The following PDE10A variants were observed in gnomAD, a reference collection of about 807,000 sequenced individuals.
PDE10A encodes the protein cAMP and cAMP-inhibited cGMP 3',5'-cyclic phosphodiesterase 10A.
A neutral mutation model predicts 97.7 loss-of-function variants in PDE10A; 39 were observed. That is an observed-to-expected ratio of 0.40 (90% confidence interval 0.31 to 0.52). The LOEUF is 0.52. PDE10A is among the 20% of genes least tolerant of loss of function. The probability of loss-of-function intolerance (pLI) is 0.56; values close to 1 mark genes in which losing one functional copy is unlikely to be tolerated. For synonymous variants in PDE10A, 371 were observed against 376.8 expected, an observed-to-expected ratio of 0.98 and a Z score of 0.18; for missense variants, 731 against 1,047.8, an observed-to-expected ratio of 0.70 and a Z score of 4.17.
chr6:165,855,038 A>AATGAATGC, intron 1 of PDE10A, among the ~76,000 whole-genome samples: 1 of 138,558 alleles, frequency 7.2e-6, no homozygotes, highest in African/African-American at 2.6e-5. Flanking sequence ...TGAATGCATG[A>AATGAATGC]ATGAATGAAG....
intron 1 of PDE10A, among the ~76,000 whole-genome samples, chr6:165,704,156 G>A (rs371546011): frequency 3.3e-5 from 5 of 152,118 alleles, no homozygotes; most frequent in African/African-American, 4.8e-5. Context: ...CTCAGGCTCC[G>A]GGCCAGCAAA....
chr6:165,901,453 C>T (rs537027991), intron 1 of PDE10A, among the ~76,000 whole-genome samples: 2 of 152,192 alleles, frequency 1.3e-5, no homozygotes, highest in Non-Finnish European at 2.9e-5. Context: ...CCGGGTCTCA[C>T]GTGGGCTGCC....
At chr6:165,607,756 T>A (rs12195883) in intron 1 of PDE10A, among the ~76,000 whole-genome samples, 14,930 of 152,198 alleles carry the variant, frequency 0.098, 924 homozygotes, top group Non-Finnish European at 0.13. Context: ...ATTCAGTTTA[T>A]AAGGATGAAA....
chr6:165,595,895 C>T (rs1434987455), intron 1 of PDE10A, among the ~76,000 whole-genome samples: 1 of 152,194 alleles, frequency 6.6e-6, no homozygotes, highest in Non-Finnish European at 1.5e-5. Context: ...AAAGGCCCCA[C>T]ATTCTAATAC....
At chr6:165,708,432 T>G (rs551602815) in intron 1 of PDE10A, among the ~76,000 whole-genome samples, 3 of 152,120 alleles carry the variant, frequency 2.0e-5, no homozygotes. Context: ...CTTCATCTCC[T>G]GTCAGTGCCC....
chr6:165,741,412 T>C (rs908094142), intron 1 of PDE10A, among the ~76,000 whole-genome samples: 2 of 152,178 alleles, frequency 1.3e-5, no homozygotes, highest in Non-Finnish European at 2.9e-5. Flanking sequence ...TATGGTAGCA[T>C]TCCATATTTA....
At chr6:165,453,344 G>C (rs1429873685) in intron 3 of PDE10A, among the ~76,000 whole-genome samples, 1 of 152,198 alleles carries the variant, frequency 6.6e-6, no homozygotes, top group East Asian at 1.9e-4. Context: ...CAAACCAAGG[G>C]TTTATGGGCA....
chr6:165,569,288 C>T (rs1161015260), intron 1 of PDE10A, among the ~76,000 whole-genome samples: 5 of 152,080 alleles, frequency 3.3e-5, no homozygotes, highest in Non-Finnish European at 7.4e-5. Flanking sequence ...TCTAAATTGT[C>T]CCTAATTGAG....
At chr6:165,716,564 A>C (rs1372591912) in intron 1 of PDE10A, among the ~76,000 whole-genome samples, 2 of 152,222 alleles carry the variant, frequency 1.3e-5, no homozygotes, top group Admixed American at 1.3e-4. Context: ...ATACTGGAGA[A>C]ACGAGCCTGT....
At chr6:165,392,566 C>G (rs147238179) in intron 16 of PDE10A, 80 bp downstream of exon 16, 99 of 1,350,746 alleles carry the variant, frequency 7.3e-5, no homozygotes, top group Non-Finnish European at 9.9e-5. Context: ...GTCACAAATC[C>G]ATGTCATCAA....
chr6:165,538,402 C>T (rs1303324801), intron 2 of PDE10A, among the ~76,000 whole-genome samples: 1 of 152,050 alleles, frequency 6.6e-6, no homozygotes, highest in Non-Finnish European at 1.5e-5. Flanking sequence ...AAAATTACTG[C>T]CCACAAAAGG....
chr6:165,450,208 A>AAT (rs397732933), intron 4 of PDE10A, 34 bp downstream of exon 4: 2 of 1,346,618 alleles, frequency 1.5e-6, no homozygotes, highest in Non-Finnish European at 1.9e-6. Context: ...ATCTTTGCCC[A>AAT]TTTTTTCTAA....
chr6:165,772,670 C>G (rs560010436), intron 1 of PDE10A, among the ~76,000 whole-genome samples: 1 of 152,236 alleles, frequency 6.6e-6, no homozygotes, highest in East Asian at 1.9e-4. Flanking sequence ...TTAATTAGTA[C>G]TTTATTTTCC....
intron 1 of PDE10A, among the ~76,000 whole-genome samples, chr6:165,787,756 A>C (rs183308211): frequency 6.6e-6 from 1 of 152,176 alleles, no homozygotes; most frequent in African/African-American, 2.4e-5. Flanking sequence ...ATTTGGAGAG[A>C]AGGTTTATTA....
chr6:165,498,231 T>C (rs1780652581), intron 2 of PDE10A, among the ~76,000 whole-genome samples: 1 of 151,294 alleles, frequency 6.6e-6, no homozygotes, highest in Admixed American at 6.6e-5. Flanking sequence ...GGCAACATAA[T>C]GAGACCCCAT....
chr6:165,545,601 T>A (rs1183159442), intron 1 of PDE10A, among the ~76,000 whole-genome samples: 3 of 151,856 alleles, frequency 2.0e-5, no homozygotes, highest in South Asian at 4.1e-4. Context: ...TCAACCCAAC[T>A]GAAAAATGGG....
chr6:165,356,987 T>C (rs1323899061), intron 18 of PDE10A, among the ~76,000 whole-genome samples: 1 of 152,188 alleles, frequency 6.6e-6, no homozygotes, highest in African/African-American at 2.4e-5. Context: ...TATTACTTAA[T>C]ATATGAACTA....
rs1282844358 is a variant in PDE10A, at chr6:165,819,882, G to T, written c.-615+167647C>A. Among the ~76,000 whole-genome samples, 2 of 152,106 alleles carry T rather than the reference G, an allele frequency of 1.3e-5. No individual in the cohort carries two copies. Among genetic ancestry groups the T allele is most frequent in the African/African-American group, 2.4e-5 (1 of 41,390 alleles). On this transcript the variant is annotated intron_variant, in intron 1 of 19. Transcript: ENST00000366882. The surrounding 1 kb of genome is among the most constrained non-coding windows in gnomAD (Gnocchi z 4.2). ...TTACTACATTGTTGAATGTTATTCA[G>T]CTCTGTTTGTATGTAATAATCAGTG... is the stretch of plus-strand genomic sequence containing the variant.
At chr6:165,467,012 T>C (rs1387232718) in intron 3 of PDE10A, among the ~76,000 whole-genome samples, 3 of 152,190 alleles carry the variant, frequency 2.0e-5, no homozygotes, top group Non-Finnish European at 4.4e-5. Flanking sequence ...ACAGCCTTAT[T>C]GCTAATATGG....
Sources: gnomAD v4.1 joint callset for allele counts (sites outside exome capture counted in the v4.1 genomes callset) on GRCh38, gnomAD v4.1.1 for gene constraint, Gnocchi (gnomAD v3.1) non-coding constraint, MANE v1.5 for transcripts, NCBI Gene and HGNC (gene_info 2026-07-23, HGNC 2026-07-21) for gene names.